TBL1XR1: variants seen among roughly 807,000 people sequenced by gnomAD.
The protein encoded by TBL1XR1 is F-box-like/WD repeat-containing protein TBL1XR1.
Under a neutral mutation model 66.9 loss-of-function variants are expected in TBL1XR1, and 5 were observed. The observed-to-expected ratio is 0.07, with a 90% CI of 0.04 to 0.16. TBL1XR1 has a LOEUF of 0.16. Among genes scored for constraint, TBL1XR1 ranks in the 10% least tolerant of loss-of-function variants. TBL1XR1 has a pLI of 1.00. For synonymous variants in TBL1XR1, 210 were observed against 206.0 expected, an observed-to-expected ratio of 1.02 and a Z score of -0.17; for missense variants, 238 against 623.2, an observed-to-expected ratio of 0.38 and a Z score of 6.58.
At chr3:177,173,457 C>T (rs1385623091) in intron 1 of TBL1XR1, among the ~76,000 whole-genome samples, 3 of 152,066 alleles carry the variant, frequency 2.0e-5, no homozygotes, top group African/African-American at 7.2e-5. Context: ...ATAAGTGTCC[C>T]CTGTTTGATA....
chr3:177,048,502 T>G (rs1268401799), intron 7 of TBL1XR1, among the ~76,000 whole-genome samples: 1 of 152,216 alleles, frequency 6.6e-6, no homozygotes, highest in African/African-American at 2.4e-5. Flanking sequence ...TTCTGGGAAC[T>G]GCAGACTCAA....
At position 177,021,351 on chromosome 3, in the gene TBL1XR1, A is replaced by T. The variant is rs1425243378; in HGVS notation, c.*4147T>A. 2.0e-5 allele frequency: 3 copies of T among 147,838 alleles called. No individual in the cohort carries two copies. Among genetic ancestry groups the T allele is most frequent in the Non-Finnish European group, 4.5e-5 (3 of 66,978 alleles). 9.2% of individuals were successfully genotyped at this position (147,838 alleles called of 1,614,324 possible). On this transcript the variant is annotated 3_prime_UTR_variant, in exon 16 of 16. Coordinates refer to ENST00000457928, the MANE Select transcript of TBL1XR1 (RefSeq NM_024665.7). The stretch of plus-strand genomic sequence containing the variant: ...GAACTTATCCGGAAATTCCAAAGAA[A>T]ACATCATGAAACAGCTTACAAAAAA...
chr3:177,196,033 T>C (rs1037351197), intron 1 of TBL1XR1, among the ~76,000 whole-genome samples: 1 of 152,190 alleles, frequency 6.6e-6, no homozygotes, highest in African/African-American at 2.4e-5. Context: ...GAGAGCATTT[T>C]TTAAAAGCCA....
At chr3:177,177,932 A>G (rs964758661) in intron 1 of TBL1XR1, among the ~76,000 whole-genome samples, 2 of 152,168 alleles carry the variant, frequency 1.3e-5, no homozygotes, top group Non-Finnish European at 2.9e-5. Flanking sequence ...AACGTGGAGA[A>G]TAAGGGTCTG....
At chr3:177,147,017 T>C (rs1434648302) in intron 1 of TBL1XR1, among the ~76,000 whole-genome samples, 1 of 152,094 alleles carries the variant, frequency 6.6e-6, no homozygotes, top group Non-Finnish European at 1.5e-5. Context: ...ATTAATACTT[T>C]TTACTGCTTC....
At chr3:177,139,567 C>A (rs527753171) in intron 1 of TBL1XR1, among the ~76,000 whole-genome samples, 2 of 151,514 alleles carry the variant, frequency 1.3e-5, no homozygotes, top group African/African-American at 4.8e-5. Flanking sequence ...GCATAAAAAT[C>A]TCAACTGTGT....
chr3:177,158,151 AATAAAAAGT>A (rs1056364336), intron 1 of TBL1XR1, among the ~76,000 whole-genome samples: 15 of 123,588 alleles, frequency 1.2e-4, no homozygotes, highest in African/African-American at 5.2e-4. Context: ...ATTTCTAAAA[AATAAAAAGT>A]AAAACAAAAA....
intron 1 of TBL1XR1, among the ~76,000 whole-genome samples, chr3:177,137,835 G>A (rs1729176034): frequency 6.6e-6 from 1 of 152,000 alleles, no homozygotes; most frequent in South Asian, 2.1e-4. Context: ...GCCATGAATG[G>A]TGGTGGTACC....
rs968537179 is a variant in TBL1XR1, at chr3:177,149,555, C to G, written c.-122+47566G>C. On this transcript the variant is annotated intron_variant, in intron 1 of 15. Coordinates refer to ENST00000457928, the MANE Select transcript of TBL1XR1 (RefSeq NM_024665.7). ...TAACTAATTTTGTATTATACTAATTCTACAATTAATCACTTCAATAGTACA... is the reference window on the plus strand; with the variant it reads ...TAACTAATTTTGTATTATACTAATTGTACAATTAATCACTTCAATAGTACA... Among the ~76,000 whole-genome samples, 3 of 152,116 alleles carry G rather than the reference C, an allele frequency of 2.0e-5. No homozygotes were observed. In the East Asian group the frequency reaches 5.8e-4, roughly 29 times the overall value.
chr3:177,180,262 A>G (rs1483360430), intron 1 of TBL1XR1, among the ~76,000 whole-genome samples: 1 of 144,730 alleles, frequency 6.9e-6, no homozygotes, highest in Non-Finnish European at 1.5e-5. Context: ...AAAAAAGCAT[A>G]CCCACTACAA....
intron 1 of TBL1XR1, among the ~76,000 whole-genome samples, chr3:177,105,459 T>C (rs1392804747): frequency 1.3e-5 from 2 of 152,206 alleles, no homozygotes; most frequent in African/African-American, 2.4e-5. Flanking sequence ...GTGGGTACAC[T>C]GGCACTTAAG....
chr3:177,070,289 A>G (rs1275899049), intron 2 of TBL1XR1, among the ~76,000 whole-genome samples: 1 of 152,232 alleles, frequency 6.6e-6, no homozygotes, highest in Non-Finnish European at 1.5e-5. Flanking sequence ...TATAAAAGTG[A>G]TTATTTACAC....
intron 1 of TBL1XR1, among the ~76,000 whole-genome samples, chr3:177,156,550 T>TACACACAC: frequency 7.2e-6 from 1 of 138,522 alleles, no homozygotes; most frequent in South Asian, 2.4e-4. Context: ...CACACACACT[T>TACACACAC]ATATATATAT....
chr3:177,134,709 C>T (rs1322039677), intron 1 of TBL1XR1, among the ~76,000 whole-genome samples: 1 of 152,140 alleles, frequency 6.6e-6, no homozygotes, highest in Non-Finnish European at 1.5e-5. Flanking sequence ...TTTCCCTACC[C>T]TGACTGCCTC....
intron 4 of TBL1XR1, among the ~76,000 whole-genome samples, chr3:177,053,276 T>C (rs1330511562): frequency 6.6e-6 from 1 of 152,186 alleles, no homozygotes; most frequent in African/African-American, 2.4e-5. Flanking sequence ...TGTAAATGCA[T>C]GTGGCTATGT....
chr3:177,095,095 T>A (rs1252945399), intron 2 of TBL1XR1, among the ~76,000 whole-genome samples: 1 of 150,938 alleles, frequency 6.6e-6, no homozygotes, highest in South Asian at 2.1e-4. Flanking sequence ...ATCACGAGAT[T>A]ATGTTAAAAA....
At chr3:177,131,738 G>T (rs1183543144) in intron 1 of TBL1XR1, among the ~76,000 whole-genome samples, 1 of 151,918 alleles carries the variant, frequency 6.6e-6, no homozygotes, top group Non-Finnish European at 1.5e-5. Context: ...CTGGCCTCGA[G>T]TGATCCACTC....
intron 1 of TBL1XR1, among the ~76,000 whole-genome samples, chr3:177,133,919 A>G (rs971613293): frequency 2.0e-5 from 3 of 150,000 alleles, no homozygotes; most frequent in African/African-American, 7.3e-5. Flanking sequence ...TTAACACTAT[A>G]TATTGGACGT....
In TBL1XR1 at chr3:177,051,593, G is replaced by A. The variant is rs2108496768; in HGVS notation, c.338C>T (p.Ala113Val). Residue 113 changes from alanine (A) to valine (V), a missense_variant, in exon 5 of 16, where the codon GCT (alanine) becomes GTT (valine). Around this residue, in one of 8 missense-constraint regions of TBL1XR1, gnomAD observed 80 missense variants for 100.5 expected, o/e 0.80. Coordinates refer to ENST00000457928, the MANE Select transcript of TBL1XR1 (RefSeq NM_024665.7). ...TTGTTGGCTGGCTGCAGCTGCGGCA[G>A]CTGCAGCAGCTGCTGCCTGTTGCTG... Reference protein sequence around the residue: ...LAQQQAAAAAAAAAAASQQGS... With the variant: ...LAQQQAAAAAVAAAAASQQGS... 5 of 1,613,502 alleles carry A rather than the reference G, an allele frequency of 3.1e-6. No homozygotes were observed. The highest frequency in any genetic ancestry group is 3.4e-6 in the Non-Finnish European group (4 of 1,179,706).
Sources: gnomAD v4.1 joint callset for allele counts (sites outside exome capture counted in the v4.1 genomes callset) on GRCh38, gnomAD v4.1.1 for gene constraint, gnomAD v4.1.1 regional missense constraint, MANE v1.5 for transcripts, NCBI Gene and HGNC (gene_info 2026-07-23, HGNC 2026-07-21) for gene names.